AGK: variants seen among roughly 807,000 people sequenced by gnomAD.
The protein encoded by AGK is acylglycerol kinase, mitochondrial.
In AGK, 52 loss-of-function variants were observed where a neutral mutation model predicts 66.4. The ratio of observed to expected loss-of-function variants is 0.78; its 90% CI spans 0.63 to 0.99. The LOEUF is 0.99. Among genes scored for constraint, AGK ranks in the 50% least tolerant of loss-of-function variants. The pLI is 0.00. For missense variants in AGK, 451 were observed against 506.6 expected, an observed-to-expected ratio of 0.89 and a Z score of 1.05; for synonymous variants, 182 against 181.1, an observed-to-expected ratio of 1.00 and a Z score of -0.04.
chr7:141,641,940 G>T, intron 13 of AGK, 32 bp downstream of exon 13: 2 of 1,528,918 alleles, frequency 1.3e-6, no homozygotes, highest in African/African-American at 2.7e-5. Flanking sequence ...AAAAGCATTT[G>T]GTACCTAAGA....
At chr7:141,594,645 ATTTC>A (rs535767750) in intron 3 of AGK, among the ~76,000 whole-genome samples, 22 of 150,488 alleles carry the variant, frequency 1.5e-4, no homozygotes, top group Admixed American at 9.3e-4. Context: ...CTTCTCATGT[ATTTC>A]TTTCTTTCTT....
At chr7:141,599,963 T>A (rs1796307461) in intron 4 of AGK, among the ~76,000 whole-genome samples, 1 of 152,186 alleles carries the variant, frequency 6.6e-6, no homozygotes, top group Non-Finnish European at 1.5e-5. Context: ...GTGATTTGTG[T>A]TCTATATGCC....
intron 3 of AGK, chr7:141,593,527 C>A (rs1365766768): frequency 4.9e-6 from 3 of 607,864 alleles, no homozygotes; most frequent in Non-Finnish European, 8.8e-6. Flanking sequence ...ATCTGAATAA[C>A]CCCCAAGGAT....
intron 13 of AGK, 151 bp from the exon 14 acceptor site, chr7:141,649,109 AAAG>A: frequency 2.3e-6 from 1 of 435,810 alleles, no homozygotes; most frequent in South Asian, 7.2e-5. Context: ...AAAAAAAAAA[AAAG>A]ATTGAAAATA....
intron 9 of AGK, among the ~76,000 whole-genome samples, chr7:141,626,483 AAT>A (rs912500024): frequency 2.6e-5 from 4 of 152,220 alleles, no homozygotes; most frequent in Non-Finnish European, 5.9e-5. Context: ...AAAAGGGAAA[AAT>A]ATACTTTGAT....
intron 5 of AGK, among the ~76,000 whole-genome samples, chr7:141,607,698 T>TA (rs1167480254): frequency 2.0e-5 from 3 of 152,120 alleles, no homozygotes; most frequent in African/African-American, 7.2e-5. Context: ...GTGATGTATC[T>TA]AAAAACTCAT....
chr7:141,619,282 A>G (rs540465923), intron 8 of AGK, among the ~76,000 whole-genome samples: 1 of 152,288 alleles, frequency 6.6e-6, no homozygotes, highest in South Asian at 2.1e-4. Context: ...TACCCTATCT[A>G]ATTCCAATAC....
intron 9 of AGK, among the ~76,000 whole-genome samples, chr7:141,626,305 G>A (rs1796937002): frequency 6.6e-6 from 1 of 152,152 alleles, no homozygotes; most frequent in Non-Finnish European, 1.5e-5. Flanking sequence ...TTTCAGGATT[G>A]CCAGCTTGTA....
At chr7:141,651,170 C>A (rs144097499) in intron 14 of AGK, among the ~76,000 whole-genome samples, 1 of 152,112 alleles carries the variant, frequency 6.6e-6, no homozygotes, top group Non-Finnish European at 1.5e-5. Flanking sequence ...AAATACCAGA[C>A]GTTTAGTACT....
intron 13 of AGK, among the ~76,000 whole-genome samples, chr7:141,642,354 G>T (rs1431720634): frequency 6.6e-6 from 1 of 152,066 alleles, no homozygotes; most frequent in African/African-American, 2.4e-5. Context: ...ATTTATTTAG[G>T]CCCAATCTAT....
chr7:141,600,423 A>G (rs577924633), intron 4 of AGK, among the ~76,000 whole-genome samples: 1 of 152,160 alleles, frequency 6.6e-6, no homozygotes, highest in Non-Finnish European at 1.5e-5. Flanking sequence ...ATACTTTTGA[A>G]ATATGCAAAC....
chr7:141,644,358 G>A (rs1303973428), intron 13 of AGK, among the ~76,000 whole-genome samples: 1 of 152,166 alleles, frequency 6.6e-6, no homozygotes, highest in Non-Finnish European at 1.5e-5. Flanking sequence ...ATACGATACT[G>A]TGCCGCTTAT....
chr7:141,600,089 C>T (rs1262787684), intron 4 of AGK, among the ~76,000 whole-genome samples: 2 of 152,112 alleles, frequency 1.3e-5, no homozygotes, highest in Non-Finnish European at 2.9e-5. Flanking sequence ...ATAAAATATC[C>T]TTAAATTCTT....
At chr7:141,641,162 A>T in intron 11 of AGK, 86 bp from the exon 12 acceptor site, 7 of 1,276,234 alleles carry the variant, frequency 5.5e-6, no homozygotes, top group South Asian at 1.5e-5. Context: ...AGGTATAGGT[A>T]GACAAATAAA....
chr7:141,629,153 TTC>T (rs1797003708), intron 9 of AGK, among the ~76,000 whole-genome samples: 1 of 152,186 alleles, frequency 6.6e-6, no homozygotes, highest in Non-Finnish European at 1.5e-5. Flanking sequence ...TCTACTTTGT[TTC>T]TTTCTCTTTA....
intron 7 of AGK, among the ~76,000 whole-genome samples, chr7:141,614,470 C>T (rs1178447837): frequency 2.0e-5 from 3 of 151,468 alleles, no homozygotes; most frequent in Non-Finnish European, 4.4e-5. Flanking sequence ...GAAATTGTGG[C>T]ATATTCATAT....
At chr7:141,603,991 C>A (rs560766813) in intron 5 of AGK, among the ~76,000 whole-genome samples, 1 of 152,126 alleles carries the variant, frequency 6.6e-6, no homozygotes, top group Non-Finnish European at 1.5e-5. Context: ...CCATCTTATA[C>A]TATCAAATGT....
rs567338344 is a variant in AGK, at chr7:141,619,968, A to G, written c.519-1764A>G. On this transcript the variant is annotated intron_variant, in intron 8 of 15. Coordinates refer to ENST00000649286, the MANE Select transcript of AGK (RefSeq NM_018238.4). ...TCCATCAACTGATGAATGGGTAAAC[A>G]AATTCCAGTACATCCATACAATGGA... Among the ~76,000 whole-genome samples the G allele has an allele frequency of 1.8e-4, 28 of 152,356 alleles. 1 individual carries two copies. The South Asian group carries it at 5.4e-3, about 29-fold the overall frequency.
At chr7:141,558,987 G>A (rs909748853) in intron 2 of AGK, among the ~76,000 whole-genome samples, 1 of 152,166 alleles carries the variant, frequency 6.6e-6, no homozygotes, top group African/African-American at 2.4e-5. Flanking sequence ...TTGTTGGCCT[G>A]TAGGAGTTCT....
Sources: allele counts gnomAD v4.1 joint callset (sites outside exome capture counted in the v4.1 genomes callset), GRCh38; gene constraint gnomAD v4.1.1; transcripts MANE v1.5; gene names NCBI Gene and HGNC (gene_info 2026-07-23, HGNC 2026-07-21).